The following DACH1 variants were observed in gnomAD, a reference collection of about 807,000 sequenced individuals.
DACH1 encodes the protein dachshund homolog 1.
A neutral mutation model predicts 54.2 loss-of-function variants in DACH1; 12 were observed. That is an observed-to-expected ratio of 0.22 (90% CI 0.14 to 0.36). The LOEUF is 0.36. Among genes scored for constraint, DACH1 ranks in the 10% least tolerant of loss-of-function variants. The pLI is 1.00. For synonymous variants in DACH1, 386 were observed against 366.2 expected, an observed-to-expected ratio of 1.05 and a Z score of -0.62; for missense variants, 805 against 929.8, an observed-to-expected ratio of 0.87 and a Z score of 1.75.
intron 2 of DACH1, among the ~76,000 whole-genome samples, chr13:71,637,184 C>T (rs962962538): frequency 5.9e-5 from 9 of 151,934 alleles, no homozygotes; most frequent in South Asian, 2.1e-4. Flanking sequence ...GATGGCGCAG[C>T]GAGTTATATA....
intron 6 of DACH1, among the ~76,000 whole-genome samples, chr13:71,499,742 G>GTACTT (rs1879753063): frequency 1.3e-5 from 2 of 152,070 alleles, no homozygotes; most frequent in African/African-American, 4.8e-5. Flanking sequence ...CTATTTCTGT[G>GTACTT]TACTTTAATA....
intron 1 of DACH1, among the ~76,000 whole-genome samples, chr13:71,787,830 T>G (rs1269730301): frequency 6.6e-6 from 1 of 152,150 alleles, no homozygotes; most frequent in Non-Finnish European, 1.5e-5. Context: ...GGATTGAATA[T>G]CATCCTTTAA....
chr13:71,829,687 C>T (rs1888511069), intron 1 of DACH1, among the ~76,000 whole-genome samples: 1 of 151,834 alleles, frequency 6.6e-6, no homozygotes. Flanking sequence ...GTGTTTATAT[C>T]ACTGTCCTCA....
chr13:71,765,821 T>G (rs1428125989), intron 1 of DACH1, among the ~76,000 whole-genome samples: 4 of 151,990 alleles, frequency 2.6e-5, no homozygotes, highest in Admixed American at 1.3e-4. Context: ...CAAGCCAGGA[T>G]GTGAAACAGA....
At chr13:71,558,335 G>A (rs1049917948) in intron 5 of DACH1, among the ~76,000 whole-genome samples, 3 of 151,940 alleles carry the variant, frequency 2.0e-5, no homozygotes, top group East Asian at 1.9e-4. Flanking sequence ...TTACATATAT[G>A]TACATATATA....
intron 1 of DACH1, among the ~76,000 whole-genome samples, chr13:71,865,522 G>C (rs1874677385): frequency 6.6e-6 from 1 of 152,140 alleles, no homozygotes; most frequent in Non-Finnish European, 1.5e-5. Context: ...CAGGTCCTGG[G>C]GAGCGCACGA....
chr13:71,442,698 T>G (rs76290210), intron 10 of DACH1, among the ~76,000 whole-genome samples: 2,068 of 152,234 alleles, frequency 0.014, 40 homozygotes, highest in African/African-American at 0.036. Context: ...TGTTTTTTTT[T>G]GTATACATAC....
intron 6 of DACH1, among the ~76,000 whole-genome samples, chr13:71,535,721 T>C (rs962034341): frequency 1.3e-5 from 2 of 152,040 alleles, no homozygotes; most frequent in African/African-American, 4.8e-5. Flanking sequence ...TTATATCTTT[T>C]TGATAATTTC....
intron 1 of DACH1, among the ~76,000 whole-genome samples, chr13:71,740,784 T>C (rs1884347097): frequency 6.6e-6 from 1 of 152,182 alleles, no homozygotes; most frequent in African/African-American, 2.4e-5. Flanking sequence ...ATTTTGAACA[T>C]GTTATCACAT....
intron 10 of DACH1, among the ~76,000 whole-genome samples, chr13:71,452,588 T>G (rs541842362): frequency 1.3e-5 from 2 of 152,330 alleles, no homozygotes; most frequent in East Asian, 3.9e-4. Flanking sequence ...AGTGTTCTCA[T>G]GATAAGTATT....
chr13:71,852,003 G>C (rs1284894144), intron 1 of DACH1, among the ~76,000 whole-genome samples: 2 of 152,186 alleles, frequency 1.3e-5, no homozygotes, highest in African/African-American at 2.4e-5. Flanking sequence ...TACATGGCGA[G>C]AGTACCAATG....
chr13:71,836,904 G>T (rs527295038), intron 1 of DACH1, among the ~76,000 whole-genome samples: 9 of 151,786 alleles, frequency 5.9e-5, no homozygotes, highest in African/African-American at 2.2e-4. Context: ...ATGAGGGTAG[G>T]GATTTTTATC....
chr13:71,479,834 G>A (rs1040928906), intron 7 of DACH1, among the ~76,000 whole-genome samples: 9 of 151,958 alleles, frequency 5.9e-5, no homozygotes, highest in Non-Finnish European at 8.8e-5. Context: ...CTGCCCCCAC[G>A]GACTTTGCTC....
At chr13:71,543,781 T>C (rs1159169573) in intron 6 of DACH1, among the ~76,000 whole-genome samples, 1 of 152,190 alleles carries the variant, frequency 6.6e-6, no homozygotes, top group Non-Finnish European at 1.5e-5. Flanking sequence ...ACATAGGTCA[T>C]GCGTAGTCTC....
intron 2 of DACH1, among the ~76,000 whole-genome samples, chr13:71,678,644 C>T (rs1428791118): frequency 7.3e-6 from 1 of 137,398 alleles, no homozygotes; most frequent in African/African-American, 2.5e-5. Context: ...TTCTTCCTTT[C>T]TCTCTCTTTC....
intron 1 of DACH1, among the ~76,000 whole-genome samples, chr13:71,703,728 C>T (rs1010708970): frequency 3.3e-5 from 5 of 152,100 alleles, no homozygotes; most frequent in Non-Finnish European, 7.4e-5. Flanking sequence ...TAAGAGTAGA[C>T]CCCTAATCAC....
chr13:71,692,046 C>G (rs1045220526), intron 1 of DACH1, among the ~76,000 whole-genome samples: 3 of 150,354 alleles, frequency 2.0e-5, no homozygotes, highest in East Asian at 1.9e-4. Context: ...CACACACACA[C>G]AGACACACAC....
chr13:71,550,980 T>G (rs951083727), intron 6 of DACH1, among the ~76,000 whole-genome samples: 1 of 152,112 alleles, frequency 6.6e-6, no homozygotes, highest in African/African-American at 2.4e-5. Context: ...GGCCCTATAA[T>G]ATGTGTTAAC....
intron 6 of DACH1, among the ~76,000 whole-genome samples, chr13:71,531,058 T>A (rs1882382180): frequency 6.6e-6 from 1 of 151,922 alleles, no homozygotes; most frequent in South Asian, 2.1e-4. Context: ...ATATCAAAAG[T>A]GAGATAATTC....
Sources: allele counts gnomAD v4.1 joint callset (sites outside exome capture counted in the v4.1 genomes callset), GRCh38; gene constraint gnomAD v4.1.1; transcripts MANE v1.5; gene names NCBI Gene and HGNC (gene_info 2026-07-23, HGNC 2026-07-21).